The following DCP1B variants were observed in gnomAD, a reference collection of about 807,000 sequenced individuals.
DCP1B encodes mRNA-decapping enzyme 1B.
In DCP1B, 47 loss-of-function variants were observed where a neutral mutation model predicts 60.5. The observed-to-expected ratio is 0.78, with a 90% confidence interval of 0.61 to 0.99. The LOEUF is 0.99. Among genes scored for constraint, DCP1B ranks in the 50% least tolerant of loss-of-function variants. The pLI, the probability that DCP1B is intolerant of heterozygous loss-of-function variation, is 0.00. For missense variants in DCP1B, 725 were observed against 756.8 expected, an observed-to-expected ratio of 0.96 and a Z score of 0.49; for synonymous variants, 267 against 280.3, an observed-to-expected ratio of 0.95 and a Z score of 0.47.
chr12:1,972,979 G>A (rs921177252), intron 3 of DCP1B, among the ~76,000 whole-genome samples: 1 of 152,240 alleles, frequency 6.6e-6, no homozygotes, highest in African/African-American at 2.4e-5. Context: ...AACACAGGCT[G>A]CGTTTGGCCG....
chr12:2,004,146 G>T, intron 1 of DCP1B, 136 bp downstream of exon 1: 1 of 1,257,836 alleles, frequency 8.0e-7, no homozygotes, highest in Non-Finnish European at 1.1e-6. Context: ...CACAACTTCG[G>T]CCTCAGTCCC....
intron 3 of DCP1B, among the ~76,000 whole-genome samples, chr12:1,979,240 C>T (rs894842769): frequency 1.3e-5 from 2 of 152,182 alleles, no homozygotes; most frequent in Non-Finnish European, 2.9e-5. Flanking sequence ...TCTCAAACTC[C>T]TGACCTCAGG....
At chr12:1,944,086 C>T (rs916577604), downstream of DCP1B, among the ~76,000 whole-genome samples, 2 of 152,210 alleles carry the variant, frequency 1.3e-5, no homozygotes, top group African/African-American at 4.8e-5. Context: ...TCAGCAAAGT[C>T]TCAGGATACA....
At chr12:1,943,693 T>G (rs1017928097), downstream of DCP1B, among the ~76,000 whole-genome samples, 2 of 152,120 alleles carry the variant, frequency 1.3e-5, no homozygotes, top group Non-Finnish European at 2.9e-5. Context: ...AAAAACCACA[T>G]GATTATCTCA....
chr12:1,968,208 C>T (rs970308512), intron 3 of DCP1B, among the ~76,000 whole-genome samples: 1 of 151,802 alleles, frequency 6.6e-6, no homozygotes, highest in Non-Finnish European at 1.5e-5. Context: ...AAAAATTAGC[C>T]AGGCCTGGTG....
downstream of DCP1B, among the ~76,000 whole-genome samples, chr12:1,944,148 CAGAG>C (rs1217277210): frequency 9.9e-5 from 15 of 152,142 alleles, no homozygotes; most frequent in Admixed American, 8.5e-4. Flanking sequence ...AATAGACAAA[CAGAG>C]AGCCAAATCA....
chr12:1,980,277 G>C (rs541565279), intron 3 of DCP1B, among the ~76,000 whole-genome samples: 37 of 152,202 alleles, frequency 2.4e-4, no homozygotes, highest in Non-Finnish European at 5.3e-4. Flanking sequence ...GTACTACACA[G>C]AATAAAAAGC....
At chr12:1,999,727 TATAAATAA>T (rs576437697) in intron 1 of DCP1B, among the ~76,000 whole-genome samples, 1 of 152,088 alleles carries the variant, frequency 6.6e-6, no homozygotes, top group East Asian at 1.9e-4. Flanking sequence ...CCCTGTTTCT[TATAAATAA>T]ATAAATAAAT....
intron 6 of DCP1B, among the ~76,000 whole-genome samples, chr12:1,953,973 A>C (rs1328996176): frequency 6.6e-6 from 1 of 152,208 alleles, no homozygotes; most frequent in Non-Finnish European, 1.5e-5. Context: ...GCTTGAGCTA[A>C]GGAGTTCAAG....
intron 6 of DCP1B, among the ~76,000 whole-genome samples, chr12:1,954,010 C>G (rs2030786944): frequency 6.6e-6 from 1 of 152,046 alleles, no homozygotes; most frequent in South Asian, 2.1e-4. Flanking sequence ...TGGCAAAACC[C>G]CATCTCTACA....
downstream of DCP1B, among the ~76,000 whole-genome samples, chr12:1,944,162 A>G (rs529682595): frequency 5.3e-5 from 8 of 152,360 alleles, no homozygotes; most frequent in East Asian, 1.5e-3. Context: ...GAGCCAAATC[A>G]TAAGTGAACT....
At chr12:1,964,007 T>C (rs1215889891) in intron 5 of DCP1B, among the ~76,000 whole-genome samples, 1 of 152,186 alleles carries the variant, frequency 6.6e-6, no homozygotes, top group African/African-American at 2.4e-5. Flanking sequence ...ATATTTATTA[T>C]ATCCACAACA....
intron 8 of DCP1B, among the ~76,000 whole-genome samples, chr12:1,947,312 T>G (rs1165187846): frequency 6.6e-6 from 1 of 152,204 alleles, no homozygotes; most frequent in Non-Finnish European, 1.5e-5. Context: ...CATTCCCTCT[T>G]GGCACCCCAC....
At chr12:1,969,254 G>T (rs1399542822) in intron 3 of DCP1B, among the ~76,000 whole-genome samples, 1 of 152,046 alleles carries the variant, frequency 6.6e-6, no homozygotes, top group African/African-American at 2.4e-5. Context: ...TCTGCTTCTT[G>T]TCAGTAATGA....
chr12:1,969,233 G>C (rs2031640810), intron 3 of DCP1B, among the ~76,000 whole-genome samples: 1 of 152,092 alleles, frequency 6.6e-6, no homozygotes, highest in African/African-American at 2.4e-5. Flanking sequence ...CCAATGTCTG[G>C]GCATGGAATT....
rs373830328 is a variant in DCP1B at position 1,952,810 on chromosome 12, G to A, written c.1130C>T (p.Ala377Val). The change falls in exon 7 of 9, where the codon GCC (alanine) becomes GTC (valine). Residue 377 changes from alanine to valine, a missense_variant. By Grantham distance (64) the Ala-to-Val change is moderately conservative (BLOSUM62 0). Coordinates refer to ENST00000280665, the MANE Select transcript of DCP1B (RefSeq NM_152640.5). ...GCTGCGGTTCAGGGCAGCTGAGCTG[G>A]CAGGTGCTGGTGTACTAGGGTCACA... The part of the protein sequence containing the change: ...NKCDPSTPAP[A>V]SSAALNRSRA... The A allele has an allele frequency of 1.2e-6, 2 of 1,614,184 alleles. No individual in the cohort carries two copies. The highest frequency in any genetic ancestry group is 1.7e-6 in the Non-Finnish European group (2 of 1,180,020).
At chr12:1,956,937 C>T (rs2030906465) in intron 5 of DCP1B, among the ~76,000 whole-genome samples, 1 of 152,196 alleles carries the variant, frequency 6.6e-6, no homozygotes, top group Admixed American at 6.5e-5. Context: ...TCCATATGGG[C>T]TAACAGGATG....
At chr12:1,973,031 T>G (rs1290940114) in intron 3 of DCP1B, among the ~76,000 whole-genome samples, 1 of 152,240 alleles carries the variant, frequency 6.6e-6, no homozygotes, top group African/African-American at 2.4e-5. Flanking sequence ...TTGGAATGTT[T>G]GCACTCAAAA....
At chr12:1,996,642 AAAAAAAAAAAAAAC>A (rs1490225006) in intron 2 of DCP1B, among the ~76,000 whole-genome samples, 2,525 of 116,734 alleles carry the variant, frequency 0.022, 155 homozygotes, top group African/African-American at 0.07. Flanking sequence ...AAAAAAAAAA[AAAAAAAAAAAAAAC>A]AACAAACTCT....
Sources: allele counts gnomAD v4.1 joint callset (sites outside exome capture counted in the v4.1 genomes callset), GRCh38; gene constraint gnomAD v4.1.1; transcripts MANE v1.5; gene names NCBI Gene and HGNC (gene_info 2026-07-23, HGNC 2026-07-21).